Variants in ZSCAN20 observed in about 807,000 individuals in gnomAD.
ZSCAN20 encodes the protein zinc finger and SCAN domain-containing protein 20.
In ZSCAN20, 39 loss-of-function variants were observed where a neutral mutation model predicts 97.1. The ratio of observed to expected loss-of-function variants is 0.40; its 90% CI spans 0.31 to 0.52. ZSCAN20 has a LOEUF of 0.52. ZSCAN20 is among the 20% of genes least tolerant of loss of function. The pLI is 0.49. For synonymous variants in ZSCAN20, 456 were observed against 467.3 expected (o/e 0.98, Z 0.31); for missense variants, 1,115 against 1,290.4 (o/e 0.86, Z 2.08).
intron 1 of ZSCAN20, among the ~76,000 whole-genome samples, chr1:33,478,973 C>T (rs147572514): frequency 6.6e-6 from 1 of 152,092 alleles, no homozygotes; most frequent in Non-Finnish European, 1.5e-5. Context: ...ATATATAGAT[C>T]CCTCATCTAA....
Position 33,491,802 on chromosome 1 carries a change from A to C in ZSCAN20, c.1444+100A>C. 8.0e-7 allele frequency: 1 copy of C among 1,255,230 alleles called. No homozygotes were observed. Among genetic ancestry groups the C allele is most frequent in the Non-Finnish European group, 1.1e-6 (1 of 913,062 alleles). The allele number at this position is 1,255,230 out of a possible 1,614,324, so 77.8% of individuals were successfully genotyped here. A position where few individuals can be genotyped will look rare whatever the true frequency, so the allele number is the denominator to read the frequency against. On this transcript the variant is annotated intron_variant, in intron 6 of 7. Coordinates refer to ENST00000684572, the MANE Select transcript of ZSCAN20 (RefSeq NM_001377376.1). This position sits in a 1 kb window ranked among gnomAD's most constrained non-coding sequence, Gnocchi z 4.3. ...GGGCACAGGCTGCAAGTCTGGATTG[A>C]AGCCACTAGAGTGAAGAGCTACATT...
chr1:33,486,848 A>G (rs1652387159), intron 2 of ZSCAN20, among the ~76,000 whole-genome samples: 1 of 152,134 alleles, frequency 6.6e-6, no homozygotes, highest in Admixed American at 6.5e-5. Context: ...GGATCTTCTT[A>G]TTTGGAATGG....
At position 33,494,593 on chromosome 1, in the gene ZSCAN20, G is replaced by A. The variant is rs199916283; in HGVS notation, c.2249G>A (p.Arg750His). 32 of 1,613,878 alleles carry A rather than the reference G, an allele frequency of 2.0e-5. No individual in the cohort carries two copies. Among genetic ancestry groups the A allele is most frequent in the Middle Eastern group, 3.3e-4 (2 of 6,062 alleles). The change falls in exon 8 of 8, where the codon CGC becomes CAC. Residue 750 changes from arginine (R) to histidine (H), a missense_variant. Physicochemically the swap from Arg to His is conservative, Grantham distance 29. Transcript: ENST00000684572. ...GAATGTGGAAAAAACTTTAGTGACCGCTCTAACCTCAATACCCATCAGAGA... is the reference window on the plus strand; with the variant it reads ...GAATGTGGAAAAAACTTTAGTGACCACTCTAACCTCAATACCCATCAGAGA... ...CLECGKNFSD[R>H]SNLNTHQRIH...
chr1:33,492,368 A>G (rs1002515584), intron 6 of ZSCAN20: 65 of 152,312 alleles, frequency 4.3e-4, no homozygotes, highest in African/African-American at 1.5e-3. Flanking sequence ...CCTCCTTTTC[A>G]TTCCCCTGCA....
At chr1:33,481,104 CTGAT>C (rs1652139867) in intron 2 of ZSCAN20, among the ~76,000 whole-genome samples, 1 of 152,150 alleles carries the variant, frequency 6.6e-6, no homozygotes. Context: ...CCTTTACAAA[CTGAT>C]TGAAGATACA....
Position 33,490,685 on chromosome 1 carries a change from C to T in ZSCAN20, c.767-340C>T, listed in dbSNP as rs1405939635. ...CACACACACACACACACACACACAC[C>T]ACACACCCTTTTCCTCCAGCCATGG... On this transcript the variant is annotated intron_variant, in intron 5 of 7. Coordinates refer to ENST00000684572, the MANE Select transcript of ZSCAN20 (RefSeq NM_001377376.1). Among the ~76,000 whole-genome samples, 5 of 8,458 alleles carry T rather than the reference C, an allele frequency of 5.9e-4. No homozygotes were observed. In the East Asian group the frequency reaches 0.018, roughly 31 times the overall value. 5.5% of individuals were successfully genotyped at this position (8,458 alleles called of 152,430 possible). A position where few individuals can be genotyped will look rare whatever the true frequency, so the allele number is the denominator to read the frequency against.
In ZSCAN20 at chr1:33,494,794, T is replaced by G. The variant is rs745673700; in HGVS notation, c.2450T>G (p.Leu817Trp). The change falls in exon 8 of 8, where the codon TTG becomes TGG. Residue 817 changes from leucine (L) to tryptophan (W), a missense_variant. Leu to Trp is a moderately conservative substitution (Grantham distance 61). Coordinates refer to ENST00000684572, the MANE Select transcript of ZSCAN20 (RefSeq NM_001377376.1). ...SNLLKHQRIH[L>W]GGNPDQCSEP... ...CTTCTGAAACATCAGAGAATCCACT[T>G]GGGAGGAAATCCTGACCAGTGTAGT... The G allele has an allele frequency of 6.2e-7, 1 of 1,614,076 alleles. No homozygotes were observed. Among genetic ancestry groups the G allele is most frequent in the South Asian group, 1.1e-5 (1 of 91,074 alleles).
Position 33,495,487 on chromosome 1 carries a change from C to T in ZSCAN20, c.*11C>T. ...GGGAAGGCGTCGTAGGGGACAGTTT[C>T]CTCAACAACAAAGGAGGACTCAATG... On this transcript the variant is annotated 3_prime_UTR_variant, in exon 8 of 8. Coordinates refer to ENST00000684572, the MANE Select transcript of ZSCAN20 (RefSeq NM_001377376.1). 6.7e-7 allele frequency: 1 copy of T among 1,500,406 alleles called. No homozygotes were observed. The highest frequency in any genetic ancestry group is 8.9e-7 in the Non-Finnish European group (1 of 1,123,738). 92.9% of individuals were successfully genotyped at this position (1,500,406 alleles called of 1,614,324 possible).
In ZSCAN20 at chr1:33,488,628, C is replaced by A. The variant is rs1652465813; in HGVS notation, c.581C>A (p.Ala194Glu). 6.2e-7 allele frequency: 1 copy of A among 1,612,578 alleles called. No individual in the cohort carries two copies. Among genetic ancestry groups the A allele is most frequent in the Non-Finnish European group, 8.5e-7 (1 of 1,179,620 alleles). The change falls in exon 3 of 8, where the codon GCA (alanine) becomes GAA (glutamate). Residue 194 changes from alanine to glutamate, a missense_variant. Coordinates refer to ENST00000684572, the MANE Select transcript of ZSCAN20 (RefSeq NM_001377376.1). Reference sequence around the variant, plus strand: ...CCCAATCACCTAAATGCCGAGGTGGCACCACAGCCTTTGAAAGAGAGTGGT... The same window carrying A: ...CCCAATCACCTAAATGCCGAGGTGGAACCACAGCCTTTGAAAGAGAGTGGT... ...DLPNHLNAEV[A>E]PQPLKESAVL...
At chr1:33,486,146 G>A (rs1254232988) in intron 2 of ZSCAN20, among the ~76,000 whole-genome samples, 1 of 152,136 alleles carries the variant, frequency 6.6e-6, no homozygotes, top group Non-Finnish European at 1.5e-5. Flanking sequence ...TTTCAAAATG[G>A]TTCTTTTTTC....
chr1:33,493,525 G>T lies in ZSCAN20; in HGVS notation c.1783G>T (p.Ala595Ser), dbSNP rs1212634231. 14 of 1,613,690 alleles carry T rather than the reference G, an allele frequency of 8.7e-6. No homozygotes were observed. In the South Asian group the frequency reaches 1.2e-4, roughly 14 times the overall value. ...AGLPRCGQSS[A>S]ETDAQEAWGE... ...TCTCCCTAGGTGTGGGCAGAGTAGT[G>T]CTGAGACTGATGCCCAGGAGGCCTG... Residue 595 changes from alanine to serine, a missense_variant, in exon 7 of 8, where the codon GCT becomes TCT. By Grantham distance (99) the Ala-to-Ser change is moderately conservative (BLOSUM62 1). Coordinates refer to ENST00000684572, the MANE Select transcript of ZSCAN20 (RefSeq NM_001377376.1). The surrounding 1 kb of genome is among the most constrained non-coding windows in gnomAD (Gnocchi z 4.3).
Position 33,494,208 on chromosome 1 carries a change from A to AT in ZSCAN20, c.1874-4dup, listed in dbSNP as rs1449475009. 1 of 1,546,004 alleles carries AT rather than the reference A, an allele frequency of 6.5e-7. No individual in the cohort carries two copies. The highest frequency in any genetic ancestry group is 1.4e-5 in the African/African-American group (1 of 72,328). On this transcript the variant is annotated splice_polypyrimidine_tract_variant and intron_variant, in intron 7 of 7. Transcript: ENST00000684572. ...GTGAAGAAAAACTGCATTTCTGTCC[A>AT]TTTTTTCAGGTTTTGAAATGAGGCA... is the stretch of plus-strand genomic sequence containing the variant.
At position 33,479,234 on chromosome 1, in the gene ZSCAN20, C is replaced by A; in HGVS notation, c.-55C>A. On this transcript the variant is annotated 5_prime_UTR_variant, in exon 2 of 8. Coordinates refer to ENST00000684572, the MANE Select transcript of ZSCAN20 (RefSeq NM_001377376.1). ...CCTCTTGAAGGACTCACCGTAGATG[C>A]AGGAAGACATTGGATGAGGTCAGCA... 6.6e-7 allele frequency: 1 copy of A among 1,523,834 alleles called. No individual in the cohort carries two copies. Among genetic ancestry groups the A allele is most frequent in the African/African-American group, 1.4e-5 (1 of 72,282 alleles). 94.4% of individuals were successfully genotyped at this position (1,523,834 alleles called of 1,614,324 possible). A position where few individuals can be genotyped will look rare whatever the true frequency, so the allele number is the denominator to read the frequency against.
Position 33,489,196 on chromosome 1 carries a change from G to A in ZSCAN20, c.681+5G>A. 1 of 1,613,318 alleles carries A rather than the reference G, an allele frequency of 6.2e-7. No individual in the cohort carries two copies. Among genetic ancestry groups the A allele is most frequent in the Non-Finnish European group, 8.5e-7 (1 of 1,179,538 alleles). ...GAGGTGACAGCTGAGTCCCAGGTAA[G>A]CTGTTACTCGTTCTTCCTTTCCTGT... On this transcript the variant is annotated splice_donor_5th_base_variant and intron_variant, in intron 4 of 7. Transcript: ENST00000684572.
intron 2 of ZSCAN20, among the ~76,000 whole-genome samples, chr1:33,482,691 C>G (rs1652199642): frequency 6.6e-6 from 1 of 152,178 alleles, no homozygotes; most frequent in Non-Finnish European, 1.5e-5. Context: ...TTTTTACTAG[C>G]AATGAATGGG....
chr1:33,491,463 A>G lies in ZSCAN20; in HGVS notation c.1205A>G (p.Tyr402Cys), dbSNP rs377761336. 1.9e-6 allele frequency: 3 copies of G among 1,614,170 alleles called. No homozygotes were observed. Among genetic ancestry groups the G allele is most frequent in the Non-Finnish European group, 2.5e-6 (3 of 1,180,022 alleles). Residue 402 changes from tyrosine to cysteine, a missense_variant, in exon 6 of 8, where the codon TAT becomes TGT. By Grantham distance (194) the Tyr-to-Cys change is radical. Coordinates refer to ENST00000684572, the MANE Select transcript of ZSCAN20 (RefSeq NM_001377376.1). The surrounding 1 kb of genome is among the most constrained non-coding windows in gnomAD (Gnocchi z 4.3). ...CACCCACCAGGTACCTGCCCCTTCTATGAGGAGCTGGAGGCCCTGGTCAGG... is the reference window on the plus strand; with the variant it reads ...CACCCACCAGGTACCTGCCCCTTCTGTGAGGAGCTGGAGGCCCTGGTCAGG... ...SSHPPGTCPF[Y>C]EELEALVRAR... is the part of the protein sequence containing the mutation.
rs1352307859 is a variant in ZSCAN20, at chr1:33,497,497, G to C, written c.*2021G>C. Among the ~76,000 whole-genome samples, 1 of 152,194 alleles carries C rather than the reference G, an allele frequency of 6.6e-6. No individual in the cohort carries two copies. The highest frequency in any genetic ancestry group is 1.5e-5 in the Non-Finnish European group (1 of 68,046). ...GTTGTATGATGGGAGGTTGGGAACA[G>C]GGAGCTGATATTAGAGGAGTGCTGG... On this transcript the variant is annotated 3_prime_UTR_variant, in exon 8 of 8. Transcript: ENST00000684572.
At position 33,494,293 on chromosome 1, in the gene ZSCAN20, C is replaced by T. The variant is rs779394077; in HGVS notation, c.1949C>T (p.Ser650Leu). Residue 650 changes from serine (S) to leucine (L), a missense_variant, in exon 8 of 8, where the codon TCA (serine) becomes TTA (leucine). Ser to Leu is a moderately radical substitution (Grantham distance 145). This residue lies in a region of ZSCAN20 where 554 missense variants were observed against 584.9 expected (regional missense o/e 0.95). Transcript: ENST00000684572. ...DIFEGLPGAL[S>L]KCPTEAVCQP... The stretch of plus-strand genomic sequence containing the variant: ...TTTGAGGGTTTGCCTGGAGCCTTAT[C>T]AAAATGTCCTACAGAAGCTGTTTGC... The T allele has an allele frequency of 1.1e-5, 17 of 1,613,190 alleles. No individual in the cohort carries two copies. The East Asian group carries it at 3.8e-4, about 36-fold the overall frequency.
rs750851090 is a variant in ZSCAN20 at position 33,494,505 on chromosome 1, C to T, written c.2161C>T (p.Arg721Trp). 39 of 1,614,074 alleles carry T rather than the reference C, an allele frequency of 2.4e-5. No homozygotes were observed. Among genetic ancestry groups the T allele is most frequent in the South Asian group, 5.5e-5 (5 of 91,084 alleles). ...TGACACATGCATGAAGAGCTTCAGTCGGAGCTCCCACTTCATTGCCCATCA... is the reference window on the plus strand; with the variant it reads ...TGACACATGCATGAAGAGCTTCAGTTGGAGCTCCCACTTCATTGCCCATCA... ...KCDTCMKSFS[R>W]SSHFIAHQRI... Residue 721 changes from arginine (R) to tryptophan (W), a missense_variant, in exon 8 of 8, where the codon CGG becomes TGG. Arg to Trp is a moderately radical substitution (Grantham distance 101). This residue lies in a region of ZSCAN20 where 554 missense variants were observed against 584.9 expected (regional missense o/e 0.95). Coordinates refer to ENST00000684572, the MANE Select transcript of ZSCAN20 (RefSeq NM_001377376.1).
Sources: allele counts gnomAD v4.1 joint callset (sites outside exome capture counted in the v4.1 genomes callset), GRCh38; gene constraint gnomAD v4.1.1; regional missense constraint gnomAD v4.1.1; non-coding constraint Gnocchi (gnomAD v3.1); transcripts MANE v1.5; gene names NCBI Gene and HGNC (gene_info 2026-07-23, HGNC 2026-07-21).